Variants in ATRNL1 observed in about 807,000 individuals in gnomAD.
The protein encoded by ATRNL1 is attractin-like protein 1.
A neutral mutation model predicts 182.7 loss-of-function variants in ATRNL1; 95 were observed. The ratio of observed to expected loss-of-function variants is 0.52; its 90% CI spans 0.44 to 0.62. The LOEUF (loss-of-function observed/expected upper bound fraction) is 0.62, where lower values mean the gene tolerates loss of function less well. Ranked by LOEUF, ATRNL1 falls within the 20% of genes least tolerant of loss-of-function variation. The pLI, the probability that ATRNL1 is intolerant of heterozygous loss-of-function variation, is 0.00. For missense variants in ATRNL1, 1,471 were observed against 1,679.5 expected (o/e 0.88, Z 2.17); for synonymous variants, 576 against 568.3 (o/e 1.01, Z -0.19).
At chr10:115,118,539 G>C (rs1844590998) in intron 1 of ATRNL1, among the ~76,000 whole-genome samples, 1 of 152,038 alleles carries the variant, frequency 6.6e-6, no homozygotes, top group Admixed American at 6.6e-5. Flanking sequence ...ACCTACAGTT[G>C]AGGTAAAGGC....
At chr10:115,334,556 A>G in intron 19 of ATRNL1, 137 bp downstream of exon 19, 1 of 476,812 alleles carries the variant, frequency 2.1e-6, no homozygotes, top group East Asian at 3.4e-5. Context: ...AAAGTAATAC[A>G]TATTAGAAAC....
At chr10:115,559,428 G>A (rs1358103602) in intron 26 of ATRNL1, among the ~76,000 whole-genome samples, 2 of 106,372 alleles carry the variant, frequency 1.9e-5, no homozygotes, top group Non-Finnish European at 3.9e-5. Flanking sequence ...GTGTGTGTGT[G>A]TGTGTGTGTG....
chr10:115,657,580 C>G (rs1860404629), intron 26 of ATRNL1, among the ~76,000 whole-genome samples: 1 of 152,132 alleles, frequency 6.6e-6, no homozygotes, highest in East Asian at 1.9e-4. Flanking sequence ...CTTGGTTAGA[C>G]ATTTGAATGT....
chr10:115,693,664 C>A (rs1287022559), intron 26 of ATRNL1, among the ~76,000 whole-genome samples: 1 of 152,012 alleles, frequency 6.6e-6, no homozygotes, highest in Admixed American at 6.6e-5. Flanking sequence ...ACGGTATGGC[C>A]TATTGCTCTC....
At position 115,530,035 on chromosome 10, in the gene ATRNL1, C is replaced by T. The variant is rs569434078; in HGVS notation, c.3716+10711C>T. 2.4e-4 allele frequency among the ~76,000 whole-genome samples: 36 copies of T among 152,178 alleles called. 1 individual carries two copies. Among genetic ancestry groups the T allele is most frequent in the African/African-American group, 8.2e-4 (34 of 41,548 alleles). ...TTTCATTAGCACAATGTTTCTTATCCGTAACGTAGTATGGATCAGTACTTT... is the reference window on the plus strand; with the variant it reads ...TTTCATTAGCACAATGTTTCTTATCTGTAACGTAGTATGGATCAGTACTTT... On this transcript the variant is annotated intron_variant, in intron 25 of 28. Transcript: ENST00000355044.
chr10:115,808,514 C>T lies in ATRNL1; in HGVS notation c.3904-39363C>T, dbSNP rs117553008. On this transcript the variant is annotated intron_variant, in intron 27 of 28. Coordinates refer to ENST00000355044, the MANE Select transcript of ATRNL1 (RefSeq NM_207303.4). ...GTGTTTATAGGTCTTCTTGTAGACA[C>T]ATGATTTCATTTCTCTTACGTAAAA... Among the ~76,000 whole-genome samples the T allele has an allele frequency of 1.0e-3, 159 of 152,204 alleles. 1 individual carries two copies. In the East Asian group the frequency reaches 0.028, roughly 27 times the overall value.
At chr10:115,159,780 A>T (rs1461381850) in intron 5 of ATRNL1, among the ~76,000 whole-genome samples, 1 of 151,712 alleles carries the variant, frequency 6.6e-6, no homozygotes, top group Non-Finnish European at 1.5e-5. Flanking sequence ...CTGACATTTT[A>T]TATTATTTAA....
chr10:115,150,806 G>A (rs1350033086), intron 5 of ATRNL1, among the ~76,000 whole-genome samples: 1 of 152,122 alleles, frequency 6.6e-6, no homozygotes, highest in African/African-American at 2.4e-5. Flanking sequence ...CATGTGCCAT[G>A]TTGGTGTGCT....
chr10:115,582,169 A>C (rs1246696309), intron 26 of ATRNL1, among the ~76,000 whole-genome samples: 1 of 151,714 alleles, frequency 6.6e-6, no homozygotes, highest in African/African-American at 2.4e-5. Context: ...GTTGGTTCCA[A>C]GTCTTTGCTA....
At chr10:115,197,550 A>G (rs1554891320) in intron 8 of ATRNL1, among the ~76,000 whole-genome samples, 1 of 152,130 alleles carries the variant, frequency 6.6e-6, no homozygotes, top group African/African-American at 2.4e-5. Context: ...ATCCAGGTTC[A>G]AATTGTAACA....
At chr10:115,770,026 C>G (rs1394986824) in intron 27 of ATRNL1, among the ~76,000 whole-genome samples, 1 of 152,046 alleles carries the variant, frequency 6.6e-6, no homozygotes, top group African/African-American at 2.4e-5. Context: ...CAAACTGACA[C>G]TTAATACTCT....
At chr10:115,921,369 TAA>T (rs1953056133) in intron 28 of ATRNL1, among the ~76,000 whole-genome samples, 1 of 152,140 alleles carries the variant, frequency 6.6e-6, no homozygotes, top group Non-Finnish European at 1.5e-5. Flanking sequence ...TAAAATGTAT[TAA>T]AGGATAAAAA....
At chr10:115,586,776 G>C (rs1316240559) in intron 26 of ATRNL1, among the ~76,000 whole-genome samples, 2 of 117,554 alleles carry the variant, frequency 1.7e-5, no homozygotes, top group African/African-American at 5.4e-5. Context: ...TCTCCGTCCA[G>C]CTTTGTTCCA....
Position 115,267,224 on chromosome 10 carries a change from A to G in ATRNL1, c.1981+219A>G, listed in dbSNP as rs151119086. Among the ~76,000 whole-genome samples, 762 of 150,624 alleles carry G rather than the reference A, an allele frequency of 5.1e-3. 5 individuals are homozygous for G. The highest frequency in any genetic ancestry group is 0.016 in the African/African-American group (675 of 41,268). On this transcript the variant is annotated intron_variant, in intron 12 of 28. Coordinates refer to ENST00000355044, the MANE Select transcript of ATRNL1 (RefSeq NM_207303.4). ...TTTGAAATCTGTATATATAGTATAT[A>G]TATCAATATTTTATATATAACATTG...
At position 115,407,782 on chromosome 10, in the gene ATRNL1, A is replaced by G. The variant is rs564211152; in HGVS notation, c.3269+13030A>G. On this transcript the variant is annotated intron_variant, in intron 20 of 28. Coordinates refer to ENST00000355044, the MANE Select transcript of ATRNL1 (RefSeq NM_207303.4). ...TCTGCATCATATGTATGGTAGTTCT[A>G]TTTTTAGTATTTTGAGAAATTTCCA... 6.0e-4 allele frequency among the ~76,000 whole-genome samples: 92 copies of G among 152,144 alleles called. No homozygotes were observed. In the South Asian group the frequency reaches 0.019, roughly 31 times the overall value.
chr10:115,782,487 G>T (rs530827828), intron 27 of ATRNL1, among the ~76,000 whole-genome samples: 1 of 152,274 alleles, frequency 6.6e-6, no homozygotes, highest in African/African-American at 2.4e-5. Context: ...TCCTCATTTT[G>T]TTAAACCTCC....
intron 8 of ATRNL1, among the ~76,000 whole-genome samples, chr10:115,208,206 T>C (rs782568476): frequency 6.6e-6 from 1 of 152,088 alleles, no homozygotes; most frequent in Non-Finnish European, 1.5e-5. Context: ...TTACTTGTTA[T>C]CATATTCATG....
At chr10:115,465,732 T>G (rs2134548645) in intron 22 of ATRNL1, among the ~76,000 whole-genome samples, 1 of 151,738 alleles carries the variant, frequency 6.6e-6, no homozygotes, top group Admixed American at 6.6e-5. Flanking sequence ...TTTATTTTTC[T>G]TTGACTACTT....
Position 115,945,322 on chromosome 10 carries a change from C to T in ATRNL1, c.*543C>T, listed in dbSNP as rs1465408996. On this transcript the variant is annotated 3_prime_UTR_variant, in exon 29 of 29. Coordinates refer to ENST00000355044, the MANE Select transcript of ATRNL1 (RefSeq NM_207303.4). ...AATATTTCATATGACCATATCGTGT[C>T]CAAACTCAGTCTGAGAATGTGACAG... 1 of 152,072 alleles carries T rather than the reference C, an allele frequency of 6.6e-6. No homozygotes were observed. The highest frequency in any genetic ancestry group is 1.5e-5 in the Non-Finnish European group (1 of 68,028). The allele number at this position is 152,072 out of a possible 1,614,324, so 9.4% of individuals were successfully genotyped here.
Sources: allele counts gnomAD v4.1 joint callset (sites outside exome capture counted in the v4.1 genomes callset), GRCh38; gene constraint gnomAD v4.1.1; transcripts MANE v1.5; gene names NCBI Gene and HGNC (gene_info 2026-07-23, HGNC 2026-07-21).